The following PTPN21 variants were observed in gnomAD, a reference collection of about 807,000 sequenced individuals.
PTPN21 encodes protein tyrosine phosphatase non-receptor type 21, also known as tyrosine-protein phosphatase non-receptor type 21.
In PTPN21, 77 loss-of-function variants were observed where a neutral mutation model predicts 131.8. That is an observed-to-expected ratio of 0.58 (90% CI 0.49 to 0.71). PTPN21 has a LOEUF of 0.71. Among genes scored for constraint, PTPN21 ranks in the 30% least tolerant of loss-of-function variants. The pLI is 0.00. For missense variants in PTPN21, 1,552 were observed against 1,527.1 expected (o/e 1.02, Z -0.27); for synonymous variants, 715 against 621.3 (o/e 1.15, Z -2.24).
intron 8 of PTPN21, among the ~76,000 whole-genome samples, chr14:88,497,786 C>G (rs2140125878): frequency 6.6e-6 from 1 of 150,944 alleles, no homozygotes; most frequent in East Asian, 2.0e-4. Flanking sequence ...CTCAAACAAA[C>G]AAACAAAGAA....
intron 2 of PTPN21, among the ~76,000 whole-genome samples, chr14:88,520,507 A>C: frequency 6.6e-6 from 1 of 152,324 alleles, no homozygotes; most frequent in East Asian, 1.9e-4. Flanking sequence ...CCCATTGTTA[A>C]TTATATTCTG....
chr14:88,493,451 TGGA>T (rs2077855260), intron 10 of PTPN21, among the ~76,000 whole-genome samples: 1 of 152,164 alleles, frequency 6.6e-6, no homozygotes, highest in African/African-American at 2.4e-5. Flanking sequence ...GATGCCTTCC[TGGA>T]GTCAGACTCC....
In PTPN21 at chr14:88,468,174, ACT is replaced by A. The variant is rs773632896; in HGVS notation, c.3486_3487del (p.Arg1162SerfsTer30). On this transcript the variant is annotated frameshift_variant, in exon 19 of 19. Transcript: ENST00000556564. LOFTEE classifies it high-confidence loss of function. Reference sequence around the variant, plus strand: ...GGAGCTTTTCAGGAACTGGATGAGGACTCTGTACACAAATGTGTACTGGCAGA... The same window carrying A: ...GGAGCTTTTCAGGAACTGGATGAGGACTGTACACAAATGTGTACTGGCAGA... 2.5e-6 allele frequency: 4 copies of A among 1,613,410 alleles called. No individual in the cohort carries two copies. The South Asian group carries it at 4.4e-5, about 18-fold the overall frequency.
At chr14:88,503,404 G>A (rs2078042652) in intron 6 of PTPN21, among the ~76,000 whole-genome samples, 1 of 152,154 alleles carries the variant, frequency 6.6e-6, no homozygotes, top group South Asian at 2.1e-4. Context: ...TTATCTTAAT[G>A]AGTAGTTATA....
At chr14:88,522,427 CAA>C (rs1177147324) in intron 2 of PTPN21, among the ~76,000 whole-genome samples, 3 of 42,190 alleles carry the variant, frequency 7.1e-5, no homozygotes, top group Non-Finnish European at 9.9e-5. Context: ...AAGACTGTCT[CAA>C]AAAAAAAAAA....
At chr14:88,471,465 C>CT (rs2077466881) in intron 15 of PTPN21, among the ~76,000 whole-genome samples, 1 of 152,128 alleles carries the variant, frequency 6.6e-6, no homozygotes, top group African/African-American at 2.4e-5. Context: ...AGGACAGCCT[C>CT]TTAAATACAT....
intron 2 of PTPN21, among the ~76,000 whole-genome samples, chr14:88,537,336 T>G (rs2078645253): frequency 6.6e-6 from 1 of 152,184 alleles, no homozygotes; most frequent in South Asian, 2.1e-4. Context: ...ACTGTCCACA[T>G]GGATGAACTG....
chr14:88,512,510 C>A (rs2078201040), intron 3 of PTPN21: 1 of 152,120 alleles, frequency 6.6e-6, no homozygotes, highest in South Asian at 2.1e-4. Context: ...GTAGAATTTC[C>A]TGCCTTCTGG....
chr14:88,518,408 A>ATT (rs2078330043), intron 2 of PTPN21, among the ~76,000 whole-genome samples: 1 of 18,506 alleles, frequency 5.4e-5, no homozygotes, highest in Non-Finnish European at 1.2e-4. Context: ...ATATATATAT[A>ATT]TATATATTTT....
intron 2 of PTPN21, among the ~76,000 whole-genome samples, chr14:88,547,085 T>C (rs1420343197): frequency 1.3e-5 from 2 of 152,168 alleles, no homozygotes; most frequent in Non-Finnish European, 2.9e-5. Flanking sequence ...CTGAGACTGA[T>C]AACTTCTAAC....
At chr14:88,503,818 T>C (rs2078047971) in intron 6 of PTPN21, 1 of 152,226 alleles carries the variant, frequency 6.6e-6, no homozygotes, top group Non-Finnish European at 1.5e-5. Flanking sequence ...TGTGGAACTG[T>C]GTGGTAGTTG....
In PTPN21 at chr14:88,480,301, C is replaced by G; in HGVS notation, c.1130G>C (p.Ser377Thr). The G allele has an allele frequency of 6.2e-7, 1 of 1,614,164 alleles. No homozygotes were observed. Residue 377 changes from serine to threonine, a missense_variant, in exon 13 of 19, where the codon AGC (serine) becomes ACC (threonine). Transcript: ENST00000556564. Reference sequence around the variant, plus strand: ...GAGGTCAATCTGGGCTCTATCCAAGCTTGTCTGAGAGTGACAGTAGTATCC... The same window carrying G: ...GAGGTCAATCTGGGCTCTATCCAAGGTTGTCTGAGAGTGACAGTAGTATCC... The part of the protein sequence containing the change: ...QNGYYCHSQT[S>T]LDRAQIDLNG...
chr14:88,536,955 T>C (rs556147082), intron 2 of PTPN21, among the ~76,000 whole-genome samples: 17 of 152,310 alleles, frequency 1.1e-4, no homozygotes, highest in Non-Finnish European at 1.9e-4. Flanking sequence ...CCATAAATAA[T>C]GAAGTATCGT....
At chr14:88,495,013 CAAA>C (rs386382090) in intron 10 of PTPN21, among the ~76,000 whole-genome samples, 1,126 of 49,000 alleles carry the variant, frequency 0.023, no homozygotes, top group Middle Eastern at 0.059. Flanking sequence ...ACTCTGTCTC[CAAA>C]AAAAAAAAAA....
At chr14:88,533,879 A>G (rs549342887) in intron 2 of PTPN21, among the ~76,000 whole-genome samples, 4 of 152,134 alleles carry the variant, frequency 2.6e-5, no homozygotes, top group Non-Finnish European at 5.9e-5. Flanking sequence ...TCAAATAAAA[A>G]AAACAGTGAA....
chr14:88,470,246 T>A, intron 15 of PTPN21, 196 bp from the exon 16 acceptor site: 1 of 595,920 alleles, frequency 1.7e-6, no homozygotes, highest in South Asian at 2.1e-5. Context: ...TTACTGACAT[T>A]TTTATAAACT....
chr14:88,530,927 G>C (rs984461290), intron 2 of PTPN21, among the ~76,000 whole-genome samples: 10 of 152,006 alleles, frequency 6.6e-5, no homozygotes, highest in African/African-American at 2.4e-4. Flanking sequence ...CTATACCCTA[G>C]AACAAATGGA....
rs768094810 is a variant in PTPN21 at position 88,479,310 on chromosome 14, T to C, written c.2121A>G (p.Leu707=). Residue 707 remains leucine (L), a synonymous_variant, in exon 13 of 19, where the codon CTA becomes CTG. Coordinates refer to ENST00000556564, the MANE Select transcript of PTPN21 (RefSeq NM_007039.4). The part of the protein sequence containing the change: ...HKKSLSDATM[L]IHSSEEEEDE... ...CCTCCTCCTCCTCGCTGCTGTGGAT[T>C]AGCATGGTGGCGTCCGACAGGGACT... 1.9e-6 allele frequency: 3 copies of C among 1,613,336 alleles called. No individual in the cohort carries two copies. The highest frequency in any genetic ancestry group is 2.5e-6 in the Non-Finnish European group (3 of 1,179,574).
At chr14:88,527,341 T>C (rs535569732) in intron 2 of PTPN21, among the ~76,000 whole-genome samples, 1 of 152,360 alleles carries the variant, frequency 6.6e-6, no homozygotes, top group South Asian at 2.1e-4. Flanking sequence ...TTTTTTATTA[T>C]GGCCATTATT....
Sources: gnomAD v4.1 joint callset for allele counts (sites outside exome capture counted in the v4.1 genomes callset) on GRCh38, gnomAD v4.1.1 for gene constraint, MANE v1.5 for transcripts, NCBI Gene and HGNC (gene_info 2026-07-23, HGNC 2026-07-21) for gene names.